Variants in AHCTF1 observed in about 807,000 individuals in gnomAD.
AHCTF1 encodes protein ELYS.
AHCTF1 carries 24 observed loss-of-function variants against 248.4 expected under a neutral mutation model. The observed-to-expected ratio is 0.10, with a 90% CI of 0.07 to 0.14. AHCTF1 has a LOEUF of 0.14. Ranked by LOEUF, AHCTF1 falls within the 10% of genes least tolerant of loss-of-function variation. The pLI is 1.00. For synonymous variants in AHCTF1, 786 were observed against 929.8 expected (o/e 0.85, Z 2.81); for missense variants, 2,206 against 2,636.2 (o/e 0.84, Z 3.57).
chr1:246,888,600 A>G (rs1019533371), intron 17 of AHCTF1, 83 bp from the exon 18 acceptor site: 7 of 1,478,834 alleles, frequency 4.7e-6, no homozygotes, highest in East Asian at 4.8e-5. Context: ...ATTAAAAGTA[A>G]TAATCCCAAC....
chr1:246,916,149 G>C lies in AHCTF1; in HGVS notation c.368C>G (p.Pro123Arg), dbSNP rs1424497494. 6.2e-7 allele frequency: 1 copy of C among 1,613,098 alleles called. No homozygotes were observed. The highest frequency in any genetic ancestry group is 8.5e-7 in the Non-Finnish European group (1 of 1,179,506). Residue 123 changes from proline (P) to arginine (R), a missense_variant, in exon 3 of 36, where the codon CCT becomes CGT. Pro to Arg is a moderately radical substitution (Grantham distance 103). This residue lies in a region of AHCTF1 where 34 missense variants were observed against 97.2 expected (regional missense o/e 0.35). Coordinates refer to ENST00000648844, the MANE Select transcript of AHCTF1 (RefSeq NM_001323342.2). The part of the protein sequence containing the change: ...ISKVVKAVVL[P>R]GRVTAIEPII... ...ATCTTAAACAGTACCTACCCTTCCA[G>C]GAAGAACAACTGCTTTAACTACTTT...
intron 33 of AHCTF1, 77 bp downstream of exon 33, chr1:246,849,538 T>A: frequency 1.3e-6 from 2 of 1,515,366 alleles, no homozygotes; most frequent in South Asian, 2.7e-5. Flanking sequence ...TATAAAACCA[T>A]TTTTAGGACA....
chr1:246,929,346 T>C (rs1558289812), intron 1 of AHCTF1, among the ~76,000 whole-genome samples: 1 of 152,088 alleles, frequency 6.6e-6, no homozygotes, highest in South Asian at 2.1e-4. Flanking sequence ...GAGGCGAAGG[T>C]TGCAGTGAGC....
intron 24 of AHCTF1, among the ~76,000 whole-genome samples, chr1:246,869,142 CGT>C (rs1491470640): frequency 6.6e-6 from 1 of 151,280 alleles, no homozygotes; most frequent in Non-Finnish European, 1.5e-5. Flanking sequence ...CACGCCCGGC[CGT>C]GTGTTTTGTT....
chr1:246,887,385 A>C, intron 19 of AHCTF1, 28 bp from the exon 20 acceptor site: 2 of 1,582,676 alleles, frequency 1.3e-6, no homozygotes, highest in Non-Finnish European at 1.7e-6. Context: ...AAGGACAATA[A>C]AATACAACAA....
intron 1 of AHCTF1, among the ~76,000 whole-genome samples, chr1:246,924,351 CAG>C (rs1666783160): frequency 1.3e-5 from 2 of 152,088 alleles, no homozygotes; most frequent in South Asian, 2.1e-4. Context: ...TATCTTTAAA[CAG>C]AGATATCTGA....
At chr1:246,858,945 A>G (rs1439695297) in intron 29 of AHCTF1, among the ~76,000 whole-genome samples, 1 of 152,034 alleles carries the variant, frequency 6.6e-6, no homozygotes, top group Admixed American at 6.6e-5. Flanking sequence ...AGAGCAATGT[A>G]GGCCAGGACC....
At chr1:246,895,994 GTTTA>G (rs1423608248) in intron 12 of AHCTF1, 69 bp from the exon 13 acceptor site, 1 of 1,337,934 alleles carries the variant, frequency 7.5e-7, no homozygotes, top group African/African-American at 1.5e-5. Context: ...GCAAGTTCTG[GTTTA>G]GAATTTAAAA....
chr1:246,926,274 C>A (rs184125630), intron 1 of AHCTF1, among the ~76,000 whole-genome samples: 1 of 152,150 alleles, frequency 6.6e-6, no homozygotes, highest in Admixed American at 6.5e-5. Context: ...TATAGCAACA[C>A]AGGCTAACGT....
Position 246,896,424 on chromosome 1 carries a change from T to C in AHCTF1, c.1624-499A>G, listed in dbSNP as rs531019800. 2.6e-5 allele frequency among the ~76,000 whole-genome samples: 4 copies of C among 152,338 alleles called. No homozygotes were observed. The East Asian group carries it at 5.8e-4, about 22-fold the overall frequency. ...ATACTTGCTATAATACAGATGAACC[T>C]TGAAAACATGCTAAATGAGACAGTC... On this transcript the variant is annotated intron_variant, in intron 12 of 35. Transcript: ENST00000648844.
Position 246,850,887 on chromosome 1 carries a change from G to C in AHCTF1, c.5119C>G (p.Pro1707Ala), listed in dbSNP as rs1660660423. ...AATGCAGATTTGACCAATTTAGTGG[G>C]ACACATTATGTTTTGGCTCACTAAA... ...IPLVSQNIMC[P>A]TKLVKSAFKT... The change falls in exon 33 of 36, where the codon CCC (proline) becomes GCC (alanine). Residue 1707 changes from proline (P) to alanine (A), a missense_variant. Pro to Ala is a conservative substitution (Grantham distance 27). Transcript: ENST00000648844. The C allele has an allele frequency of 6.2e-7, 1 of 1,613,928 alleles. No individual in the cohort carries two copies. Among genetic ancestry groups the C allele is most frequent in the East Asian group, 2.2e-5 (1 of 44,888 alleles).
chr1:246,913,018 C>A (rs1665914634), intron 4 of AHCTF1, among the ~76,000 whole-genome samples: 1 of 152,052 alleles, frequency 6.6e-6, no homozygotes, highest in Non-Finnish European at 1.5e-5. Context: ...CATATGAACA[C>A]CTGATCAACA....
At chr1:246,877,923 A>T (rs11583611) in intron 21 of AHCTF1, among the ~76,000 whole-genome samples, 41,966 of 151,588 alleles carry the variant, frequency 0.28, 5,896 homozygotes, top group East Asian at 0.36. Flanking sequence ...TTATTTATTT[A>T]TTTTTATTTT....
At position 246,918,288 on chromosome 1, in the gene AHCTF1, A is replaced by G; in HGVS notation, c.83T>C (p.Ile28Thr). The change falls in exon 2 of 36, where the codon ATA becomes ACA. Residue 28 changes from isoleucine (I) to threonine (T), a missense_variant. Physicochemically the swap from Ile to Thr is moderately conservative, Grantham distance 89. Coordinates refer to ENST00000648844, the MANE Select transcript of AHCTF1 (RefSeq NM_001323342.2). ...TCCACGAAGCACAGATTCTAATGTT[A>G]TTTCGTCTTCTCCAAGGGCTTGAAG... Reference protein sequence around the residue: ...VTLQALGEDEITLESVLRGKF... With the variant: ...VTLQALGEDETTLESVLRGKF... 2 of 1,612,054 alleles carry G rather than the reference A, an allele frequency of 1.2e-6. No homozygotes were observed. Among genetic ancestry groups the G allele is most frequent in the Non-Finnish European group, 1.7e-6 (2 of 1,179,620 alleles).
rs75744500 is a variant in AHCTF1, at chr1:246,851,623, T to C, written c.4564-181A>G. ...CCCTTTAAGCAATCAGACTTTCTCA[T>C]TCAGTCAAAATAACTACATTTTGAG... On this transcript the variant is annotated intron_variant, in intron 32 of 35. Coordinates refer to ENST00000648844, the MANE Select transcript of AHCTF1 (RefSeq NM_001323342.2). Among the ~76,000 whole-genome samples the C allele has an allele frequency of 9.2e-5, 14 of 152,324 alleles. No homozygotes were observed. In the East Asian group the frequency reaches 2.7e-3, roughly 29 times the overall value.
intron 10 of AHCTF1, among the ~76,000 whole-genome samples, 173 bp from the exon 11 acceptor site, chr1:246,899,685 T>C (rs576022426): frequency 6.6e-6 from 1 of 152,090 alleles, no homozygotes; most frequent in East Asian, 1.9e-4. Context: ...ACAAACCTAT[T>C]ACACAGCAAA....
At chr1:246,902,315 C>T (rs1665061372) in intron 8 of AHCTF1, among the ~76,000 whole-genome samples, 1 of 152,008 alleles carries the variant, frequency 6.6e-6, no homozygotes, top group Admixed American at 6.6e-5. Context: ...ATAAAAGGGT[C>T]CTTCATTACC....
chr1:246,858,303 C>T (rs972904022), intron 29 of AHCTF1, among the ~76,000 whole-genome samples: 1 of 152,148 alleles, frequency 6.6e-6, no homozygotes, highest in Non-Finnish European at 1.5e-5. Context: ...CAAGAGCCCC[C>T]CTTAACCTCT....
rs1660708494 is a variant in AHCTF1, at chr1:246,851,390, T to C, written c.4616A>G (p.Asn1539Ser). The stretch of plus-strand genomic sequence containing the variant: ...GGGATATAACTCATTAAATGAAAGA[T>C]TCCTAGCCTCTTCTCCTGAATCTTG... The part of the protein sequence containing the change: ...EAQDSGEEAR[N>S]LSFNELYPSG... Residue 1539 changes from asparagine (N) to serine (S), a missense_variant, in exon 33 of 36, where the codon AAT becomes AGT. This residue lies in a region of AHCTF1 where 955 missense variants were observed against 1,055.6 expected (regional missense o/e 0.90). Coordinates refer to ENST00000648844, the MANE Select transcript of AHCTF1 (RefSeq NM_001323342.2). The C allele has an allele frequency of 6.2e-7, 1 of 1,613,550 alleles. No homozygotes were observed. The highest frequency in any genetic ancestry group is 8.5e-7 in the Non-Finnish European group (1 of 1,179,654).
Sources: gnomAD v4.1 joint callset for allele counts (sites outside exome capture counted in the v4.1 genomes callset) on GRCh38, gnomAD v4.1.1 for gene constraint, gnomAD v4.1.1 regional missense constraint, MANE v1.5 for transcripts, NCBI Gene and HGNC (gene_info 2026-07-23, HGNC 2026-07-21) for gene names.